GAS7: variants seen among roughly 807,000 people sequenced by gnomAD.
The protein encoded by GAS7 is growth arrest-specific protein 7.
In GAS7, 28 loss-of-function variants were observed where a neutral mutation model predicts 71.1. The ratio of observed to expected loss-of-function variants is 0.39; its 90% CI spans 0.29 to 0.54. The LOEUF (loss-of-function observed/expected upper bound fraction) is 0.54, where lower values mean the gene tolerates loss of function less well. GAS7 is among the 20% of genes least tolerant of loss of function. GAS7 has a pLI of 0.62. For missense variants in GAS7, 436 were observed against 627.8 expected (o/e 0.69, Z 3.27); for synonymous variants, 258 against 245.8 (o/e 1.05, Z -0.46).
At chr17:10,181,040 A>C (rs888773036) in intron 1 of GAS7, among the ~76,000 whole-genome samples, 1 of 67,702 alleles carries the variant, frequency 1.5e-5, no homozygotes, top group Admixed American at 1.9e-4. Flanking sequence ...AATAAGGATG[A>C]GGGTGGCGGG....
chr17:10,042,359 T>C (rs563717091), intron 1 of GAS7, among the ~76,000 whole-genome samples: 2 of 151,426 alleles, frequency 1.3e-5, no homozygotes, highest in South Asian at 4.2e-4. Context: ...GATGACTCAC[T>C]TTTGTAACTG....
intron 1 of GAS7, among the ~76,000 whole-genome samples, chr17:10,071,477 C>G (rs1275179442): frequency 6.6e-6 from 1 of 152,160 alleles, no homozygotes; most frequent in Non-Finnish European, 1.5e-5. Context: ...GAGGTGGGTG[C>G]AATCGGAGGC....
At chr17:10,146,331 T>A (rs1162156004) in intron 1 of GAS7, among the ~76,000 whole-genome samples, 2 of 152,192 alleles carry the variant, frequency 1.3e-5, no homozygotes, top group African/African-American at 2.4e-5. Flanking sequence ...AGAAAAGATG[T>A]CTCACTCAAA....
At chr17:10,129,391 T>G (rs2142085150) in intron 1 of GAS7, among the ~76,000 whole-genome samples, 1 of 152,102 alleles carries the variant, frequency 6.6e-6, no homozygotes, top group East Asian at 1.9e-4. Flanking sequence ...AAAAATTAGC[T>G]GGGCAGGGTG....
chr17:10,134,875 C>T (rs571638547), intron 1 of GAS7, among the ~76,000 whole-genome samples: 67 of 152,054 alleles, frequency 4.4e-4, no homozygotes, highest in African/African-American at 1.5e-3. Flanking sequence ...GCCCTATCGC[C>T]AGGCTGGAGT....
intron 2 of GAS7, among the ~76,000 whole-genome samples, chr17:10,005,328 TACACACAC>T (rs564932578): frequency 1.3e-5 from 2 of 149,180 alleles, no homozygotes; most frequent in Non-Finnish European, 3.0e-5. Flanking sequence ...CATATATATA[TACACACAC>T]ACACACACAC....
intron 2 of GAS7, among the ~76,000 whole-genome samples, chr17:9,992,239 G>A (rs2070869649): frequency 6.6e-6 from 1 of 152,148 alleles, no homozygotes; most frequent in Non-Finnish European, 1.5e-5. Flanking sequence ...TAGCAATGTA[G>A]AGTAATTTAA....
At chr17:10,078,009 T>C (rs1257588123) in intron 1 of GAS7, among the ~76,000 whole-genome samples, 3 of 152,060 alleles carry the variant, frequency 2.0e-5, no homozygotes, top group African/African-American at 7.2e-5. Flanking sequence ...TTATTTTATG[T>C]GGTGATAGGT....
Position 10,148,909 on chromosome 17 carries a change from C to CAAAAAA in GAS7, c.183+49293_183+49298dup, listed in dbSNP as rs752140645. ...TGGGCGACAGAGAAAGACTCCGCCT[C>CAAAAAA]AAAAAAAAAAAAAAAAAGAATCCTC... On this transcript the variant is annotated intron_variant, in intron 1 of 13. Transcript: ENST00000432992. 1.6e-4 allele frequency among the ~76,000 whole-genome samples: 19 copies of CAAAAAA among 117,242 alleles called. 2 individuals are homozygous for CAAAAAA. The highest frequency in any genetic ancestry group is 5.4e-4 in the South Asian group (2 of 3,726). 76.9% of individuals were successfully genotyped at this position (117,242 alleles called of 152,430 possible). A position where few individuals can be genotyped will look rare whatever the true frequency, so the allele number is the denominator to read the frequency against.
At chr17:9,954,287 G>T (rs2069137812) in intron 5 of GAS7, among the ~76,000 whole-genome samples, 1 of 152,152 alleles carries the variant, frequency 6.6e-6, no homozygotes. Flanking sequence ...CTGAGAGGGG[G>T]TCTTGCAGGG....
At chr17:10,194,914 A>G (rs1954964955) in intron 1 of GAS7, among the ~76,000 whole-genome samples, 2 of 151,368 alleles carry the variant, frequency 1.3e-5, no homozygotes, top group South Asian at 2.1e-4. Flanking sequence ...TCGTCATAGC[A>G]GAAGAAACCC....
At chr17:9,951,056 A>G (rs1389785975) in intron 5 of GAS7, among the ~76,000 whole-genome samples, 1 of 152,150 alleles carries the variant, frequency 6.6e-6, no homozygotes, top group Non-Finnish European at 1.5e-5. Flanking sequence ...CGAGTCCCCA[A>G]GGTGTGTCCA....
intron 1 of GAS7, among the ~76,000 whole-genome samples, chr17:10,128,663 A>C: frequency 6.9e-6 from 1 of 144,242 alleles, no homozygotes; most frequent in East Asian, 2.0e-4. Flanking sequence ...AGAGTCACCC[A>C]CGCTGGAGTG....
intron 1 of GAS7, among the ~76,000 whole-genome samples, chr17:10,030,215 G>A (rs1053711159): frequency 1.1e-4 from 17 of 152,232 alleles, no homozygotes; most frequent in African/African-American, 3.6e-4. Context: ...TTGGCCCCGA[G>A]GGGGCAGTCA....
chr17:10,074,811 G>C (rs539683167), intron 1 of GAS7, among the ~76,000 whole-genome samples: 177 of 151,966 alleles, frequency 1.2e-3, no homozygotes, highest in Non-Finnish European at 1.8e-3. Context: ...AAAACAATTG[G>C]GAGAAGAAAG....
intron 1 of GAS7, among the ~76,000 whole-genome samples, chr17:10,128,599 GA>G (rs1317328200): frequency 6.6e-6 from 1 of 151,192 alleles, no homozygotes; most frequent in Non-Finnish European, 1.5e-5. Context: ...CATTTTCAGT[GA>G]AATAAGTGAT....
At chr17:9,991,706 C>G (rs1470693218) in intron 2 of GAS7, among the ~76,000 whole-genome samples, 3 of 152,032 alleles carry the variant, frequency 2.0e-5, no homozygotes, top group Non-Finnish European at 4.4e-5. Flanking sequence ...GCAAACACAC[C>G]GGGAATCTGT....
chr17:10,103,997 C>T lies in GAS7; in HGVS notation c.184-84100G>A, dbSNP rs773424259. ...CAAAGGCAACTTACCTGCTTTCTAC[C>T]GATCAGCACATAATACCTACCTTTA... On this transcript the variant is annotated intron_variant, in intron 1 of 13. Coordinates refer to ENST00000432992, the MANE Select transcript of GAS7 (RefSeq NM_201433.2). The surrounding 1 kb of genome is among the most constrained non-coding windows in gnomAD (Gnocchi z 5.5). Among the ~76,000 whole-genome samples, 16 of 152,132 alleles carry T rather than the reference C, an allele frequency of 1.1e-4. No homozygotes were observed. Among genetic ancestry groups the T allele is most frequent in the Non-Finnish European group, 2.1e-4 (14 of 68,020 alleles).
chr17:10,047,930 G>C (rs183007147), intron 1 of GAS7, among the ~76,000 whole-genome samples: 1 of 152,220 alleles, frequency 6.6e-6, no homozygotes, highest in East Asian at 1.9e-4. Flanking sequence ...ACCAGAATAG[G>C]TTAAACTTAA....
Sources: allele counts gnomAD v4.1 joint callset (sites outside exome capture counted in the v4.1 genomes callset), GRCh38; gene constraint gnomAD v4.1.1; non-coding constraint Gnocchi (gnomAD v3.1); transcripts MANE v1.5; gene names NCBI Gene and HGNC (gene_info 2026-07-23, HGNC 2026-07-21).